The following COL11A1 variants were observed in gnomAD, a reference collection of about 807,000 sequenced individuals.
The protein encoded by COL11A1 is collagen type XI alpha 1 chain.
In COL11A1, 74 loss-of-function variants were observed where a neutral mutation model predicts 265.2. The ratio of observed to expected loss-of-function variants is 0.28; its 90% CI spans 0.23 to 0.34. The LOEUF (loss-of-function observed/expected upper bound fraction) is 0.34. Ranked by LOEUF, COL11A1 falls within the 10% of genes least tolerant of loss-of-function variation. The probability of loss-of-function intolerance (pLI) is 1.00; values close to 1 mark genes in which losing one functional copy is unlikely to be tolerated. For synonymous variants in COL11A1, 816 were observed against 727.6 expected (o/e 1.12, Z -1.96); for missense variants, 2,165 against 2,263.6 (o/e 0.96, Z 0.88).
intron 38 of COL11A1, among the ~76,000 whole-genome samples, chr1:102,965,178 T>C (rs910205322): frequency 1.3e-5 from 2 of 152,174 alleles, no homozygotes; most frequent in African/African-American, 4.8e-5. Context: ...CAAAGAACTT[T>C]GTATTTTTAT....
chr1:102,950,384 AT>A (rs1207398767), intron 41 of COL11A1, among the ~76,000 whole-genome samples: 1 of 152,066 alleles, frequency 6.6e-6, no homozygotes, highest in Non-Finnish European at 1.5e-5. Context: ...TTTTCAACAC[AT>A]TTCACTGGAG....
At chr1:103,088,799 G>C (rs986743745) in intron 1 of COL11A1, among the ~76,000 whole-genome samples, 1 of 152,296 alleles carries the variant, frequency 6.6e-6, no homozygotes, top group South Asian at 2.1e-4. Context: ...AGAGTAAAGA[G>C]TTCAAGGAAA....
Position 103,022,934 on chromosome 1 carries a change from C to A in COL11A1, c.1053G>T (p.Gln351His). 1 of 1,613,532 alleles carries A rather than the reference C, an allele frequency of 6.2e-7. No homozygotes were observed. Among genetic ancestry groups the A allele is most frequent in the East Asian group, 2.2e-5 (1 of 44,826 alleles). The change falls in exon 8 of 67, where the codon CAG becomes CAT. Residue 351 changes from glutamine (Q) to histidine (H), a missense_variant. Gln to His is a conservative substitution (Grantham distance 24). Transcript: ENST00000370096. Reference sequence around the variant, plus strand: ...ATAGTGTATCCTCAGAATTTTTCCTCTGGGAATCATAATCCTCTCCCGTTA... The same window carrying A: ...ATAGTGTATCCTCAGAATTTTTCCTATGGGAATCATAATCCTCTCCCGTTA... Reference protein sequence around the residue: ...EYLTGEDYDSQRKNSEDTLYE... With the variant: ...EYLTGEDYDSHRKNSEDTLYE...
intron 66 of COL11A1, among the ~76,000 whole-genome samples, chr1:102,879,385 T>A (rs867909907): frequency 6.6e-6 from 1 of 152,302 alleles, no homozygotes; most frequent in Non-Finnish European, 1.5e-5. Context: ...TATTTTCTTT[T>A]TCATTTTAGG....
At chr1:103,031,343 T>G (rs915557923) in intron 4 of COL11A1, 99 bp from the exon 5 acceptor site, 1 of 1,418,480 alleles carries the variant, frequency 7.0e-7, no homozygotes, top group African/African-American at 1.4e-5. Context: ...TTTTAAATAT[T>G]TGAAGAAGAA....
chr1:102,911,633 A>G (rs1326320663), intron 54 of COL11A1, among the ~76,000 whole-genome samples: 1 of 152,202 alleles, frequency 6.6e-6, no homozygotes, highest in Non-Finnish European at 1.5e-5. Context: ...ACTGTGGCCA[A>G]TATTGTCAGC....
chr1:103,089,168 C>A (rs1437006572), intron 1 of COL11A1, among the ~76,000 whole-genome samples: 1 of 152,116 alleles, frequency 6.6e-6, no homozygotes, highest in East Asian at 1.9e-4. Flanking sequence ...CACCCCAGAA[C>A]TAATAAACTA....
At position 103,026,231 on chromosome 1, in the gene COL11A1, T is replaced by A. The variant is rs201141662; in HGVS notation, c.882A>T (p.Thr294=). ...TTGTTTTTACCTCCGTCTGTGCTAT[T>A]GTCTCCTCAGTTACAGTGGGTCCCT... ...VTEGPTVTEE[T]IAQTEANIVD... Residue 294 remains threonine, a synonymous_variant, in exon 6 of 67, where the codon ACA becomes ACT. Transcript: ENST00000370096. The A allele has an allele frequency of 6.8e-6, 11 of 1,611,992 alleles. 1 individual carries two copies. In the South Asian group the frequency reaches 9.9e-5, roughly 14 times the overall value.
chr1:102,978,960 C>G (rs765473281), intron 33 of COL11A1, 47 bp from the exon 34 acceptor site: 1 of 1,611,994 alleles, frequency 6.2e-7, no homozygotes, highest in Non-Finnish European at 8.5e-7. Context: ...CCAGACAAAT[C>G]CAAAGACACT....
intron 41 of COL11A1, among the ~76,000 whole-genome samples, chr1:102,953,062 CT>C (rs1363165296): frequency 1.3e-5 from 2 of 152,170 alleles, no homozygotes; most frequent in African/African-American, 2.4e-5. Flanking sequence ...TGTGTATATA[CT>C]TTTTTTGTTT....
intron 38 of COL11A1, 94 bp downstream of exon 38, chr1:102,965,393 T>A: frequency 8.6e-7 from 1 of 1,163,348 alleles, no homozygotes; most frequent in African/African-American, 1.5e-5. Context: ...TCATTTTGAA[T>A]CATAATAAAT....
intron 4 of COL11A1, among the ~76,000 whole-genome samples, chr1:103,071,280 T>G (rs990223169): frequency 6.6e-6 from 1 of 151,928 alleles, no homozygotes; most frequent in African/African-American, 2.4e-5. Flanking sequence ...AATGATGTTT[T>G]GAAAACTTGA....
intron 24 of COL11A1, among the ~76,000 whole-genome samples, chr1:103,000,659 G>A (rs907942369): frequency 6.6e-6 from 1 of 151,854 alleles, no homozygotes; most frequent in Admixed American, 6.6e-5. Context: ...ATGGTTACTT[G>A]GAAGGGAAAA....
Position 102,928,102 on chromosome 1 carries a change from CT to C in COL11A1, c.3601-4714del, listed in dbSNP as rs199552225. Reference sequence around the variant, plus strand: ...ATGAGAGGACCCTTCTAATATCTTACTTTTTTTTTTATTATACTTTAAGTTT... The same window carrying C: ...ATGAGAGGACCCTTCTAATATCTTACTTTTTTTTTATTATACTTTAAGTTT... On this transcript the variant is annotated intron_variant, in intron 46 of 66. Coordinates refer to ENST00000370096, the MANE Select transcript of COL11A1 (RefSeq NM_001854.4). Among the ~76,000 whole-genome samples, 284 of 147,708 alleles carry C rather than the reference CT, an allele frequency of 1.9e-3. 1 individual carries two copies. The highest frequency in any genetic ancestry group is 0.011 in the Middle Eastern group (3 of 282).
chr1:102,944,963 C>T (rs887204424), intron 42 of COL11A1, among the ~76,000 whole-genome samples: 4 of 152,106 alleles, frequency 2.6e-5, no homozygotes, highest in Non-Finnish European at 5.9e-5. Flanking sequence ...ATTAAAAGTG[C>T]TTTTTCTGTC....
At chr1:102,886,688 A>C in intron 63 of COL11A1, 119 bp downstream of exon 63, 3 of 1,385,464 alleles carry the variant, frequency 2.2e-6, no homozygotes, top group Non-Finnish European at 3.1e-6. Flanking sequence ...GATAATTAAT[A>C]ACTGTTTCAT....
intron 54 of COL11A1, among the ~76,000 whole-genome samples, chr1:102,902,270 T>C (rs1158132464): frequency 2.0e-5 from 3 of 152,128 alleles, no homozygotes; most frequent in Non-Finnish European, 4.4e-5. Flanking sequence ...CATGAGTATG[T>C]GGTGACTTGA....
chr1:103,032,851 G>A (rs76596933), intron 4 of COL11A1, among the ~76,000 whole-genome samples: 12,267 of 151,912 alleles, frequency 0.081, 543 homozygotes, highest in Middle Eastern at 0.16. Flanking sequence ...TGTTCACACC[G>A]TTCACATATA....
rs768247115 is a variant in COL11A1 at position 103,002,449 on chromosome 1, T to C, written c.2076A>G (p.Gln692=). ...TTACCTGAGGTCCTGGATTCCCTTG[T>C]TGACCTGGAGGCCCAGGCTCCCCTT... The part of the protein sequence containing the change: ...GPQGEPGPPG[Q]QGNPGPQGLP... Residue 692 remains glutamine (Q), a synonymous_variant, in exon 23 of 67, where the codon CAA becomes CAG. Transcript: ENST00000370096. 5.6e-6 allele frequency: 9 copies of C among 1,610,028 alleles called. No individual in the cohort carries two copies. In the South Asian group the frequency reaches 7.8e-5, roughly 14 times the overall value.
Sources: allele counts gnomAD v4.1 joint callset (sites outside exome capture counted in the v4.1 genomes callset), GRCh38; gene constraint gnomAD v4.1.1; transcripts MANE v1.5; gene names NCBI Gene and HGNC (gene_info 2026-07-23, HGNC 2026-07-21).